SMC5: variants seen among roughly 807,000 people sequenced by gnomAD.
The protein encoded by SMC5 is structural maintenance of chromosomes protein 5.
A neutral mutation model predicts 148.3 loss-of-function variants in SMC5; 88 were observed. That is an observed-to-expected ratio of 0.59 (90% CI 0.50 to 0.71). The LOEUF (loss-of-function observed/expected upper bound fraction) is 0.71, where lower values mean the gene tolerates loss of function less well. SMC5 is among the 30% of genes least tolerant of loss of function. SMC5 has a pLI of 0.00. For synonymous variants in SMC5, 421 were observed against 432.8 expected (o/e 0.97, Z 0.34); for missense variants, 1,142 against 1,298.9 (o/e 0.88, Z 1.86).
intron 10 of SMC5, among the ~76,000 whole-genome samples, chr9:70,304,882 T>C (rs1019478562): frequency 6.6e-6 from 1 of 152,044 alleles, no homozygotes; most frequent in Non-Finnish European, 1.5e-5. Flanking sequence ...GAAGTTCTCT[T>C]GAAGATTAAG....
intron 8 of SMC5, among the ~76,000 whole-genome samples, chr9:70,296,552 CAA>C (rs112744853): frequency 1.5e-4 from 17 of 112,740 alleles, no homozygotes; most frequent in East Asian, 2.7e-4. Context: ...GACTCTGTCT[CAA>C]AAAAAAAAAA....
intron 3 of SMC5, among the ~76,000 whole-genome samples, chr9:70,270,004 G>GT (rs548677512): frequency 6.6e-4 from 101 of 152,270 alleles, no homozygotes; most frequent in African/African-American, 2.4e-3. Context: ...GATGTGTGGG[G>GT]TTTTTTCCCC....
rs562686705 is a variant in SMC5 at position 70,310,602 on chromosome 9, A to G, written c.1579-4140A>G. Among the ~76,000 whole-genome samples, 6 of 152,366 alleles carry G rather than the reference A, an allele frequency of 3.9e-5. No individual in the cohort carries two copies. The East Asian group carries it at 1.2e-3, about 29-fold the overall frequency. On this transcript the variant is annotated intron_variant, in intron 11 of 24. Transcript: ENST00000361138. ...AAACATTGGCTTCAACTTAAAAGTC[A>G]GTAGATACATTCATCCCTAACAAGA...
At chr9:70,327,563 T>A (rs1272256433) in intron 17 of SMC5, among the ~76,000 whole-genome samples, 1 of 152,204 alleles carries the variant, frequency 6.6e-6, no homozygotes, top group Non-Finnish European at 1.5e-5. Flanking sequence ...ACTGGGGAAC[T>A]GGCTTGTGAC....
chr9:70,337,833 T>C (rs976949832), intron 17 of SMC5, among the ~76,000 whole-genome samples: 1 of 144,068 alleles, frequency 6.9e-6, no homozygotes, highest in Non-Finnish European at 1.5e-5. Context: ...GGTTTTGTTT[T>C]TAATCAGTGA....
chr9:70,346,972 G>T, intron 19 of SMC5, 94 bp from the exon 20 acceptor site: 1 of 892,938 alleles, frequency 1.1e-6, no homozygotes, highest in Non-Finnish European at 1.8e-6. Context: ...CTGTTGAACA[G>T]ATAGATAACT....
chr9:70,302,276 A>G (rs1270344065), intron 10 of SMC5, among the ~76,000 whole-genome samples: 1 of 152,082 alleles, frequency 6.6e-6, no homozygotes, highest in Non-Finnish European at 1.5e-5. Flanking sequence ...AGGGGGTGGA[A>G]CGAGGTCAGA....
chr9:70,276,129 A>G (rs965184823), intron 3 of SMC5, among the ~76,000 whole-genome samples: 6 of 152,178 alleles, frequency 3.9e-5, no homozygotes, highest in African/African-American at 9.7e-5. Context: ...CAGAATCACA[A>G]TGTACAGAAT....
intron 15 of SMC5, 137 bp from the exon 16 acceptor site, chr9:70,323,346 T>C: frequency 2.8e-6 from 2 of 716,756 alleles, no homozygotes; most frequent in Non-Finnish European, 4.3e-6. Context: ...TTATATTGAT[T>C]GATCGGTTAT....
At chr9:70,261,519 T>A (rs1246440650) in intron 1 of SMC5, among the ~76,000 whole-genome samples, 1 of 152,292 alleles carries the variant, frequency 6.6e-6, no homozygotes, top group African/African-American at 2.4e-5. Context: ...TTGAGGAGAA[T>A]AATAAATGCC....
intron 8 of SMC5, among the ~76,000 whole-genome samples, chr9:70,287,156 A>T (rs187659846): frequency 1.2e-3 from 188 of 152,298 alleles, no homozygotes; most frequent in South Asian, 7.0e-3. Context: ...CTAAGGAAAA[A>T]TCTTGTTTCA....
intron 2 of SMC5, among the ~76,000 whole-genome samples, chr9:70,265,138 G>A (rs1261005467): frequency 6.6e-6 from 1 of 152,148 alleles, no homozygotes; most frequent in Non-Finnish European, 1.5e-5. Context: ...AAAGGAGGAG[G>A]AGGAGGAGAT....
chr9:70,278,430 T>C, intron 4 of SMC5, 61 bp from the exon 5 acceptor site: 2 of 1,521,490 alleles, frequency 1.3e-6, no homozygotes, highest in Non-Finnish European at 1.8e-6. Flanking sequence ...TTGAGTGAAA[T>C]ACATTTTGAA....
chr9:70,274,481 T>C (rs868287269), intron 3 of SMC5, among the ~76,000 whole-genome samples: 8 of 151,988 alleles, frequency 5.3e-5, no homozygotes, highest in Admixed American at 2.6e-4. Flanking sequence ...TTTTTTTTTT[T>C]CCCAGTATTT....
At chr9:70,303,704 A>G (rs2035423016) in intron 10 of SMC5, among the ~76,000 whole-genome samples, 1 of 152,220 alleles carries the variant, frequency 6.6e-6, no homozygotes, top group Non-Finnish European at 1.5e-5. Context: ...AGATGAAAGT[A>G]ATGAAAGCTT....
intron 21 of SMC5, 37 bp from the exon 22 acceptor site, chr9:70,347,882 C>A (rs1323801007): frequency 2.6e-6 from 4 of 1,547,478 alleles, no homozygotes; most frequent in Non-Finnish European, 3.5e-6. Context: ...AGTAATACTG[C>A]TTTTAAATTG....
At position 70,348,019 on chromosome 9, in the gene SMC5, A is replaced by T; in HGVS notation, c.2870A>T (p.Asp957Val). 1 of 1,582,996 alleles carries T rather than the reference A, an allele frequency of 6.3e-7. No homozygotes were observed. ...TCCATGCAGTGTGCTGGTGAAGTTGATCTCCATACAGAAAATGAGGTAAAA... is the reference window on the plus strand; with the variant it reads ...TCCATGCAGTGTGCTGGTGAAGTTGTTCTCCATACAGAAAATGAGGTAAAA... ...FSSMQCAGEV[D>V]LHTENEEDYD... The change falls in exon 22 of 25, where the codon GAT (aspartate) becomes GTT (valine). Residue 957 changes from aspartate to valine, a missense_variant. Around this residue, in one of 5 missense-constraint regions of SMC5, gnomAD observed 743 missense variants for 835.7 expected, o/e 0.89. Transcript: ENST00000361138.
intron 8 of SMC5, 98 bp from the exon 9 acceptor site, chr9:70,297,868 T>C (rs1564039596): frequency 2.2e-6 from 3 of 1,344,404 alleles, no homozygotes; most frequent in Non-Finnish European, 2.0e-6. Context: ...AAAACACCTA[T>C]GTTAGATTGT....
At chr9:70,345,511 A>T (rs2036644540) in intron 18 of SMC5, among the ~76,000 whole-genome samples, 1 of 152,114 alleles carries the variant, frequency 6.6e-6, no homozygotes, top group South Asian at 2.1e-4. Context: ...TCCTGAATGA[A>T]GAGAACAGAT....
Sources: allele counts gnomAD v4.1 joint callset (sites outside exome capture counted in the v4.1 genomes callset), GRCh38; gene constraint gnomAD v4.1.1; regional missense constraint gnomAD v4.1.1; transcripts MANE v1.5; gene names NCBI Gene and HGNC (gene_info 2026-07-23, HGNC 2026-07-21).